Variants in COPA observed in about 807,000 individuals in gnomAD.
COPA encodes the protein coatomer subunit alpha.
COPA carries 10 observed loss-of-function variants against 158.7 expected under a neutral mutation model. The ratio of observed to expected loss-of-function variants is 0.06; its 90% CI spans 0.04 to 0.11. The LOEUF is 0.11. Ranked by LOEUF, COPA falls within the 10% of genes least tolerant of loss-of-function variation. The pLI, the probability that COPA is intolerant of heterozygous loss-of-function variation, is 1.00. For missense variants in COPA, 1,065 were observed against 1,536.7 expected, an observed-to-expected ratio of 0.69 and a Z score of 5.13; for synonymous variants, 462 against 542.8, an observed-to-expected ratio of 0.85 and a Z score of 2.07.
intron 17 of COPA, among the ~76,000 whole-genome samples, chr1:160,302,011 G>A (rs905353947): frequency 6.6e-6 from 1 of 152,068 alleles, no homozygotes; most frequent in African/African-American, 2.4e-5. Flanking sequence ...CTGTCATCAT[G>A]TTAATTCCAC....
At position 160,297,401 on chromosome 1, in the gene COPA, A is replaced by G; in HGVS notation, c.2205T>C (p.Asn735=). 1 of 1,614,166 alleles carries G rather than the reference A, an allele frequency of 6.2e-7. No individual in the cohort carries two copies. Among genetic ancestry groups the G allele is most frequent in the Admixed American group, 1.7e-5 (1 of 60,016 alleles). ...CTGACACATCACCCAGGTATAGGGC[A>G]TTCTGATAGTGGCCACTCATGTCCT... The part of the protein sequence containing the change: ...IRKDMSGHYQ[N]ALYLGDVSER... Residue 735 remains asparagine, a synonymous_variant, in exon 21 of 33, where the codon AAT becomes AAC. Transcript: ENST00000241704.
intron 6 of COPA, among the ~76,000 whole-genome samples, chr1:160,328,457 C>T (rs74125589): frequency 0.039 from 5,973 of 152,250 alleles, 135 homozygotes; most frequent in African/African-American, 0.057. Flanking sequence ...ACAAGCCGCT[C>T]GCTAGGACTG....
chr1:160,335,106 A>T lies in COPA; in HGVS notation c.309+136T>A, dbSNP rs74123114. 0.011 allele frequency: 6,809 copies of T among 620,312 alleles called. 368 individuals carry two copies. In the African/African-American group the frequency reaches 0.12, roughly 11 times the overall value. The allele number at this position is 620,312 out of a possible 1,614,324, so 38.4% of individuals were successfully genotyped here. ...TGCAGAAAGAAAAAAAGCAGAAAGG[A>T]CAATACCACACAGATTGTAGAAGAG... On this transcript the variant is annotated intron_variant, in intron 4 of 32. Transcript: ENST00000241704.
chr1:160,340,487 A>G (rs1045296729), intron 1 of COPA, among the ~76,000 whole-genome samples, 193 bp from the exon 2 acceptor site: 5 of 152,160 alleles, frequency 3.3e-5, no homozygotes, highest in African/African-American at 1.2e-4. Context: ...ATTCCTTTAC[A>G]TATTCTTGGG....
chr1:160,310,078 T>C, intron 12 of COPA, 114 bp downstream of exon 12: 7 of 587,666 alleles, frequency 1.2e-5, no homozygotes, highest in Middle Eastern at 2.8e-4. Context: ...GTGTCAGCTC[T>C]CACAAAATGA....
intron 13 of COPA, among the ~76,000 whole-genome samples, chr1:160,307,722 C>T (rs1206224321): frequency 6.6e-6 from 1 of 152,200 alleles, no homozygotes; most frequent in African/African-American, 2.4e-5. Flanking sequence ...GAGCTTGGTG[C>T]TGGGCGGTAT....
rs573507565 is a variant in COPA, at chr1:160,290,627, A to G, written c.3480T>C (p.Tyr1160=). The part of the protein sequence containing the change: ...KNPTDAYQLN[Y]DMHNPFDICA... Reference sequence around the variant, plus strand: ...AAATGTCAAAGGGGTTGTGCATGTCATAATTGAGCTGGTAGGCATCTGTGG... The same window carrying G: ...AAATGTCAAAGGGGTTGTGCATGTCGTAATTGAGCTGGTAGGCATCTGTGG... Residue 1160 remains tyrosine (Y), a synonymous_variant, in exon 32 of 33, where the codon TAT becomes TAC. Transcript: ENST00000241704. The G allele has an allele frequency of 1.4e-5, 22 of 1,614,186 alleles. No individual in the cohort carries two copies. In the East Asian group the frequency reaches 4.5e-4, roughly 33 times the overall value.
intron 14 of COPA, among the ~76,000 whole-genome samples, 175 bp downstream of exon 14, chr1:160,306,988 T>A (rs1329342468): frequency 6.6e-6 from 1 of 152,228 alleles, no homozygotes; most frequent in Non-Finnish European, 1.5e-5. Context: ...AAATCAGTTT[T>A]AATGCCATTC....
intron 3 of COPA, among the ~76,000 whole-genome samples, chr1:160,335,637 ACTT>A (rs1359662285): frequency 3.9e-5 from 6 of 152,096 alleles, no homozygotes; most frequent in Non-Finnish European, 8.8e-5. Flanking sequence ...TAATCCCAGC[ACTT>A]TGGGAGGTCG....
chr1:160,299,815 CA>C (rs1658540840), intron 17 of COPA, among the ~76,000 whole-genome samples: 1 of 151,358 alleles, frequency 6.6e-6, no homozygotes, highest in South Asian at 2.1e-4. Flanking sequence ...GCAGTCATCT[CA>C]AAAAATTTAC....
Position 160,343,217 on chromosome 1 carries a change from C to T in COPA, c.-47G>A, listed in dbSNP as rs1293466692. On this transcript the variant is annotated 5_prime_UTR_variant, in exon 1 of 33. Coordinates refer to ENST00000241704, the MANE Select transcript of COPA (RefSeq NM_004371.4). Reference sequence around the variant, plus strand: ...TGTCTTAATCCGAGCCCCGACACACCCTGCTGCCCTTCGGACGCCTCCACG... The same window carrying T: ...TGTCTTAATCCGAGCCCCGACACACTCTGCTGCCCTTCGGACGCCTCCACG... 1.9e-6 allele frequency: 3 copies of T among 1,613,280 alleles called. No individual in the cohort carries two copies. The highest frequency in any genetic ancestry group is 3.3e-4 in the Middle Eastern group (2 of 6,062).
rs184482653 is a variant in COPA at position 160,297,505 on chromosome 1, T to G, written c.2167+51A>C. ...AGTTCTCTTTCTCCTTAATTCACCTTCCTCCTTCCCCCAAGAACCCCTCTT... is the reference window on the plus strand; with the variant it reads ...AGTTCTCTTTCTCCTTAATTCACCTGCCTCCTTCCCCCAAGAACCCCTCTT... On this transcript the variant is annotated intron_variant, in intron 20 of 32. Transcript: ENST00000241704. 5.5e-5 allele frequency: 88 copies of G among 1,612,424 alleles called. No individual in the cohort carries two copies. The East Asian group carries it at 9.1e-4, about 17-fold the overall frequency.
At chr1:160,299,808 G>A (rs1003443667) in intron 17 of COPA, among the ~76,000 whole-genome samples, 18 of 152,140 alleles carry the variant, frequency 1.2e-4, no homozygotes, top group African/African-American at 4.3e-4. Context: ...TTAACAAGCA[G>A]TCATCTCAAA....
intron 1 of COPA, among the ~76,000 whole-genome samples, chr1:160,342,194 TTAAG>T (rs774288263): frequency 5.3e-5 from 8 of 152,200 alleles, no homozygotes; most frequent in Non-Finnish European, 1.0e-4. Flanking sequence ...CTTAGAGACA[TTAAG>T]TAAGTCATCC....
At chr1:160,324,664 A>G (rs1483711485) in intron 7 of COPA, among the ~76,000 whole-genome samples, 1 of 152,072 alleles carries the variant, frequency 6.6e-6, no homozygotes, top group South Asian at 2.1e-4. Context: ...ATGATATGTG[A>G]TATCATCGCT....
intron 12 of COPA, among the ~76,000 whole-genome samples, chr1:160,309,645 A>G (rs1472546479): frequency 6.6e-6 from 1 of 152,168 alleles, no homozygotes; most frequent in Non-Finnish European, 1.5e-5. Context: ...TAGATATTAA[A>G]GAAGAACAGA....
rs770973184 is a variant in COPA at position 160,343,122 on chromosome 1, C to G, written c.40+9G>C. The G allele has an allele frequency of 6.2e-7, 1 of 1,614,150 alleles. No homozygotes were observed. Among genetic ancestry groups the G allele is most frequent in the Non-Finnish European group, 8.5e-7 (1 of 1,180,026 alleles). On this transcript the variant is annotated intron_variant, in intron 1 of 32. Transcript: ENST00000241704. Reference sequence around the variant, plus strand: ...CAACCTCCATGTTCCCCCTTTTATTCTCCACTACCTTTGACCCGCGCGCTC... The same window carrying G: ...CAACCTCCATGTTCCCCCTTTTATTGTCCACTACCTTTGACCCGCGCGCTC...
chr1:160,325,706 C>A, intron 6 of COPA, 54 bp from the exon 7 acceptor site: 1 of 1,260,152 alleles, frequency 7.9e-7, no homozygotes, highest in Non-Finnish European at 1.2e-6. Flanking sequence ...TTATCTAAAA[C>A]AGCACAGTAT....
At chr1:160,307,824 T>C (rs1658838215) in intron 13 of COPA, among the ~76,000 whole-genome samples, 1 of 152,222 alleles carries the variant, frequency 6.6e-6, no homozygotes, top group Non-Finnish European at 1.5e-5. Context: ...AGTGGCTTAT[T>C]AGAATTTTGA....
Sources: allele counts gnomAD v4.1 joint callset (sites outside exome capture counted in the v4.1 genomes callset), GRCh38; gene constraint gnomAD v4.1.1; transcripts MANE v1.5; gene names NCBI Gene and HGNC (gene_info 2026-07-23, HGNC 2026-07-21).